USP13: variants seen among roughly 807,000 people sequenced by gnomAD.
The protein encoded by USP13 is ubiquitin specific peptidase 13, also known as ubiquitin carboxyl-terminal hydrolase 13.
A neutral mutation model predicts 107.8 loss-of-function variants in USP13; 68 were observed. The observed-to-expected ratio is 0.63, with a 90% CI of 0.52 to 0.77. The LOEUF is 0.77. Ranked by LOEUF, USP13 falls within the 30% of genes least tolerant of loss-of-function variation. The probability of loss-of-function intolerance (pLI) is 0.00; values close to 1 mark genes in which losing one functional copy is unlikely to be tolerated. For synonymous variants in USP13, 377 were observed against 389.5 expected (o/e 0.97, Z 0.38); for missense variants, 945 against 1,093.3 (o/e 0.86, Z 1.91).
chr3:179,654,178 C>T (rs1298215397), intron 1 of USP13, among the ~76,000 whole-genome samples: 1 of 149,306 alleles, frequency 6.7e-6, no homozygotes, highest in Non-Finnish European at 1.5e-5. Context: ...CGCGCCACTG[C>T]CCTCCAGCCT....
intron 10 of USP13, among the ~76,000 whole-genome samples, chr3:179,736,051 G>A (rs573272668): frequency 2.0e-5 from 3 of 152,210 alleles, no homozygotes; most frequent in African/African-American, 4.8e-5. Flanking sequence ...AAAAAAAGCT[G>A]TTTGAAGTGT....
At chr3:179,761,882 A>G (rs577731317) in intron 17 of USP13, among the ~76,000 whole-genome samples, 1 of 152,348 alleles carries the variant, frequency 6.6e-6, no homozygotes, top group African/African-American at 2.4e-5. Flanking sequence ...AAATGGAAAC[A>G]TGGGCATGAA....
chr3:179,728,282 G>A (rs1017349726), intron 8 of USP13, among the ~76,000 whole-genome samples: 4 of 148,050 alleles, frequency 2.7e-5, no homozygotes, highest in East Asian at 4.2e-4. Flanking sequence ...GTTGCCGGGC[G>A]GAGGGTCTCC....
intron 2 of USP13, among the ~76,000 whole-genome samples, chr3:179,686,274 C>T (rs553652084): frequency 8.5e-5 from 13 of 152,314 alleles, no homozygotes; most frequent in African/African-American, 2.9e-4. Context: ...GACAGGAACT[C>T]ACTTAACTTA....
In USP13 at chr3:179,681,935, C is replaced by A; in HGVS notation, c.226C>A (p.His76Asn). Residue 76 changes from histidine (H) to asparagine (N), a missense_variant, in exon 2 of 21, where the codon CAT (histidine) becomes AAT (asparagine). By Grantham distance (68) the His-to-Asn change is moderately conservative. Transcript: ENST00000263966. ...TACATTTTTGGCCTTTGGAAGGGAA[C>A]ATGTTGAAAGACATTTTCGAAAAAC... Reference protein sequence around the residue: ...MNTFLAFGREHVERHFRKTGQ... With the variant: ...MNTFLAFGRENVERHFRKTGQ... 6.2e-7 allele frequency: 1 copy of A among 1,614,066 alleles called. No individual in the cohort carries two copies. Among genetic ancestry groups the A allele is most frequent in the Non-Finnish European group, 8.5e-7 (1 of 1,179,972 alleles).
At chr3:179,692,475 C>T (rs1270169065) in intron 3 of USP13, among the ~76,000 whole-genome samples, 1 of 152,204 alleles carries the variant, frequency 6.6e-6, no homozygotes, top group East Asian at 1.9e-4. Flanking sequence ...TACTTCTCAA[C>T]CTGTCTTTGG....
At chr3:179,727,944 C>G (rs1713604578) in intron 8 of USP13, among the ~76,000 whole-genome samples, 1 of 61,334 alleles carries the variant, frequency 1.6e-5, no homozygotes, top group South Asian at 6.6e-4. Context: ...CCACCTCCCT[C>G]TCGGACGAGG....
chr3:179,694,641 A>G (rs1712223438), intron 3 of USP13, among the ~76,000 whole-genome samples: 1 of 152,012 alleles, frequency 6.6e-6, no homozygotes, highest in Non-Finnish European at 1.5e-5. Context: ...CTCTACTAAA[A>G]ATACAAAAAA....
chr3:179,736,301 T>C (rs917014755), intron 10 of USP13, among the ~76,000 whole-genome samples: 3 of 152,226 alleles, frequency 2.0e-5, no homozygotes, highest in African/African-American at 7.2e-5. Flanking sequence ...GGAGGCTTCA[T>C]GAGATTCAGG....
chr3:179,756,819 T>C (rs1230016859), intron 15 of USP13, among the ~76,000 whole-genome samples: 2 of 152,056 alleles, frequency 1.3e-5, no homozygotes, highest in African/African-American at 4.8e-5. Flanking sequence ...TAGTAGTTTG[T>C]TAGGATAATA....
chr3:179,742,156 A>G lies in USP13; in HGVS notation c.1381-41A>G. ...TTTTCTACTAAGTCTTAGTGGCTCA[A>G]TATTCATACATTTACTAACCTGATA... On this transcript the variant is annotated intron_variant, in intron 11 of 20. Transcript: ENST00000263966. The surrounding 1 kb of genome is among the most constrained non-coding windows in gnomAD (Gnocchi z 5.0). 6.2e-7 allele frequency: 1 copy of G among 1,612,796 alleles called. No individual in the cohort carries two copies. Among genetic ancestry groups the G allele is most frequent in the Non-Finnish European group, 8.5e-7 (1 of 1,178,920 alleles).
At chr3:179,715,349 T>C (rs1713073782) in intron 6 of USP13, among the ~76,000 whole-genome samples, 2 of 149,850 alleles carry the variant, frequency 1.3e-5, no homozygotes, top group South Asian at 4.3e-4. Flanking sequence ...CTCATTTAAT[T>C]TGTGTTTATT....
In USP13 at chr3:179,653,983, G is replaced by A. The variant is rs534569911; in HGVS notation, c.168+590G>A. ...AGCACTTTTTAAGAGGCGGAGGCGG[G>A]CGGATCGTTTGAGGTCAGGAGTTCG... On this transcript the variant is annotated intron_variant, in intron 1 of 20. Coordinates refer to ENST00000263966, the MANE Select transcript of USP13 (RefSeq NM_003940.3). This position sits in a 1 kb window ranked among gnomAD's most constrained non-coding sequence, Gnocchi z 4.0. Among the ~76,000 whole-genome samples, 178 of 152,180 alleles carry A rather than the reference G, an allele frequency of 1.2e-3. 2 individuals are homozygous for A. Among genetic ancestry groups the A allele is most frequent in the Middle Eastern group, 0.01 (3 of 294 alleles).
At chr3:179,762,407 C>T (rs1372502441) in intron 17 of USP13, among the ~76,000 whole-genome samples, 2 of 152,130 alleles carry the variant, frequency 1.3e-5, no homozygotes, top group Non-Finnish European at 2.9e-5. Flanking sequence ...ATGGTGAAAC[C>T]CCATCTCTAT....
At chr3:179,695,602 A>G (rs1188701962) in intron 3 of USP13, among the ~76,000 whole-genome samples, 5 of 152,126 alleles carry the variant, frequency 3.3e-5, no homozygotes, top group Non-Finnish European at 5.9e-5. Flanking sequence ...TATACTTTTA[A>G]AACATTTAGG....
chr3:179,736,937 A>G (rs1462360564), intron 10 of USP13, among the ~76,000 whole-genome samples: 1 of 152,238 alleles, frequency 6.6e-6, no homozygotes, highest in African/African-American at 2.4e-5. Flanking sequence ...AAATAACACT[A>G]TCAGCAGCAG....
At chr3:179,697,145 A>T (rs1361831386) in intron 3 of USP13, among the ~76,000 whole-genome samples, 1 of 152,212 alleles carries the variant, frequency 6.6e-6, no homozygotes, top group Non-Finnish European at 1.5e-5. Flanking sequence ...GGCTTAGACC[A>T]GGTGTTTAAA....
intron 1 of USP13, among the ~76,000 whole-genome samples, chr3:179,669,206 A>C (rs183400020): frequency 6.6e-6 from 1 of 152,296 alleles, no homozygotes. Context: ...CACGCCTCTA[A>C]TCCCAGCACT....
At chr3:179,723,726 T>C (rs74492283) in intron 8 of USP13, among the ~76,000 whole-genome samples, 1,564 of 152,346 alleles carry the variant, frequency 0.01, 40 homozygotes, top group East Asian at 0.091. Flanking sequence ...TATTCATACA[T>C]GTCTTCAGTC....
Sources: allele counts gnomAD v4.1 joint callset (sites outside exome capture counted in the v4.1 genomes callset), GRCh38; gene constraint gnomAD v4.1.1; non-coding constraint Gnocchi (gnomAD v3.1); transcripts MANE v1.5; gene names NCBI Gene and HGNC (gene_info 2026-07-23, HGNC 2026-07-21).